Variants in CSMD3 observed in about 807,000 individuals in gnomAD.
The protein encoded by CSMD3 is CUB and Sushi multiple domains 3.
In CSMD3, 177 loss-of-function variants were observed where a neutral mutation model predicts 435.2. The ratio of observed to expected loss-of-function variants is 0.41; its 90% confidence interval spans 0.36 to 0.46. The LOEUF is 0.46. CSMD3 is among the 20% of genes least tolerant of loss of function. The pLI, the probability that CSMD3 is intolerant of heterozygous loss-of-function variation, is 0.34. For missense variants in CSMD3, 4,265 were observed against 4,504.6 expected, an observed-to-expected ratio of 0.95 and a Z score of 1.52; for synonymous variants, 1,656 against 1,520.5, an observed-to-expected ratio of 1.09 and a Z score of -2.07.
intron 4 of CSMD3, among the ~76,000 whole-genome samples, chr8:113,118,941 G>T (rs894031336): frequency 1.3e-5 from 2 of 152,060 alleles, no homozygotes; most frequent in African/African-American, 4.8e-5. Context: ...GCTTCTGCTT[G>T]TTTCTCATTT....
chr8:113,153,125 GA>G (rs1564370949), intron 4 of CSMD3, among the ~76,000 whole-genome samples: 28 of 59,582 alleles, frequency 4.7e-4, no homozygotes, highest in South Asian at 3.1e-3. Flanking sequence ...AAGAAAGAAA[GA>G]GAAAGAAGGA....
intron 59 of CSMD3, among the ~76,000 whole-genome samples, chr8:112,269,726 A>T (rs1017860454): frequency 6.6e-6 from 1 of 152,214 alleles, no homozygotes; most frequent in Non-Finnish European, 1.5e-5. Context: ...TACTTATTAT[A>T]TCTTCTCTCT....
intron 4 of CSMD3, among the ~76,000 whole-genome samples, chr8:113,128,084 A>G (rs548959669): frequency 2.0e-5 from 3 of 152,212 alleles, no homozygotes; most frequent in Admixed American, 6.6e-5. Context: ...AATCTACATT[A>G]TTCTTCATTT....
chr8:113,247,750 AT>A (rs1200841913), intron 3 of CSMD3, among the ~76,000 whole-genome samples: 5 of 152,124 alleles, frequency 3.3e-5, no homozygotes, highest in Non-Finnish European at 5.9e-5. Context: ...CTGCTTAGCA[AT>A]AACAGATTCT....
intron 66 of CSMD3, 72 bp downstream of exon 66, chr8:112,241,648 T>C (rs1267812607): frequency 3.2e-5 from 32 of 985,842 alleles, no homozygotes; most frequent in Admixed American, 5.1e-5. Context: ...AAATACACAG[T>C]TACTATGCCA....
At chr8:112,449,922 C>T (rs547053478) in intron 32 of CSMD3, among the ~76,000 whole-genome samples, 2 of 152,240 alleles carry the variant, frequency 1.3e-5, no homozygotes, top group African/African-American at 4.8e-5. Context: ...TGGGGCTTTG[C>T]CATGTTGGCC....
chr8:113,331,853 C>T (rs549982319), intron 1 of CSMD3, among the ~76,000 whole-genome samples: 2 of 151,708 alleles, frequency 1.3e-5, no homozygotes, highest in African/African-American at 2.4e-5. Context: ...AGGGCTTTTC[C>T]TCTAAGCTCA....
chr8:112,365,483 T>C (rs1213027275), intron 38 of CSMD3, among the ~76,000 whole-genome samples: 2 of 149,712 alleles, frequency 1.3e-5, no homozygotes, highest in African/African-American at 2.4e-5. Flanking sequence ...TTTTTTTTTT[T>C]TTTTTTTTTA....
Position 112,900,853 on chromosome 8 carries a change from T to C in CSMD3, c.1633+20774A>G, listed in dbSNP as rs990562873. Reference sequence around the variant, plus strand: ...AGGCAATAAATGGTCCTCCACTTTATTGCTGTTAATGAGGAGATATTAGGT... The same window carrying C: ...AGGCAATAAATGGTCCTCCACTTTACTGCTGTTAATGAGGAGATATTAGGT... On this transcript the variant is annotated intron_variant, in intron 10 of 70. Transcript: ENST00000297405. 2.0e-5 allele frequency among the ~76,000 whole-genome samples: 3 copies of C among 151,214 alleles called. 1 individual carries two copies. The highest frequency in any genetic ancestry group is 4.4e-5 in the Non-Finnish European group (3 of 67,522).
At chr8:112,836,714 T>C (rs1020973739) in intron 11 of CSMD3, among the ~76,000 whole-genome samples, 5 of 151,840 alleles carry the variant, frequency 3.3e-5, no homozygotes, top group Non-Finnish European at 5.9e-5. Context: ...TGTTTTTCTG[T>C]GTGCGTGGGG....
chr8:113,392,957 A>G (rs67684999), intron 1 of CSMD3, among the ~76,000 whole-genome samples: 103 of 20,944 alleles, frequency 4.9e-3, no homozygotes, highest in East Asian at 0.011. Flanking sequence ...ATATATATAT[A>G]TGTGTGTGTG....
intron 1 of CSMD3, among the ~76,000 whole-genome samples, chr8:113,347,314 G>T (rs890835202): frequency 9.9e-5 from 15 of 151,730 alleles, no homozygotes; most frequent in South Asian, 6.2e-4. Context: ...TCTTAACCTA[G>T]TGCTAATAAC....
At chr8:112,879,800 C>A (rs913809199) in intron 10 of CSMD3, among the ~76,000 whole-genome samples, 1 of 152,060 alleles carries the variant, frequency 6.6e-6, no homozygotes, top group African/African-American at 2.4e-5. Context: ...AACCATCACT[C>A]TCAGCAAACT....
At chr8:112,943,631 C>T (rs547341827) in intron 9 of CSMD3, among the ~76,000 whole-genome samples, 66 of 151,730 alleles carry the variant, frequency 4.3e-4, no homozygotes, top group African/African-American at 1.5e-3. Flanking sequence ...TATCTTTTGT[C>T]GGTGATTTTT....
At chr8:112,643,165 C>G (rs1253196414) in intron 20 of CSMD3, among the ~76,000 whole-genome samples, 1 of 152,050 alleles carries the variant, frequency 6.6e-6, no homozygotes, top group Admixed American at 6.6e-5. Flanking sequence ...AAGGATTAGG[C>G]TGCCTTTTTT....
chr8:113,337,969 A>G (rs1414161737), intron 1 of CSMD3, among the ~76,000 whole-genome samples: 1 of 152,048 alleles, frequency 6.6e-6, no homozygotes, highest in African/African-American at 2.4e-5. Context: ...TTTTATTTTC[A>G]ATAAATAACA....
chr8:112,392,555 T>C (rs1423506860), intron 35 of CSMD3, among the ~76,000 whole-genome samples: 1 of 151,374 alleles, frequency 6.6e-6, no homozygotes, highest in Non-Finnish European at 1.5e-5. Flanking sequence ...ACCCAAAAAA[T>C]AGAACAAAAA....
intron 6 of CSMD3, among the ~76,000 whole-genome samples, chr8:112,999,792 G>A (rs1395209386): frequency 1.3e-5 from 2 of 151,686 alleles, no homozygotes; most frequent in African/African-American, 2.4e-5. Context: ...AGGAGTCAAG[G>A]ATGATTTTAA....
chr8:112,689,643 G>A lies in CSMD3; in HGVS notation c.2155+225C>T, dbSNP rs62516519. Among the ~76,000 whole-genome samples the A allele has an allele frequency of 1.8e-3, 277 of 152,052 alleles. 1 individual carries two copies. The highest frequency in any genetic ancestry group is 3.1e-3 in the Non-Finnish European group (209 of 67,910). On this transcript the variant is annotated intron_variant, in intron 14 of 70. Coordinates refer to ENST00000297405, the MANE Select transcript of CSMD3 (RefSeq NM_198123.2). Reference sequence around the variant, plus strand: ...GAAATAAAATGTTGTAAGAACACACGTAATATATATTTTGCCATTACCAAG... The same window carrying A: ...GAAATAAAATGTTGTAAGAACACACATAATATATATTTTGCCATTACCAAG...
Sources: gnomAD v4.1 joint callset for allele counts (sites outside exome capture counted in the v4.1 genomes callset) on GRCh38, gnomAD v4.1.1 for gene constraint, MANE v1.5 for transcripts, NCBI Gene and HGNC (gene_info 2026-07-23, HGNC 2026-07-21) for gene names.